CLIP2: variants seen among roughly 807,000 people sequenced by gnomAD.
The protein encoded by CLIP2 is CAP-Gly domain containing linker protein 2.
In CLIP2, 41 loss-of-function variants were observed where a neutral mutation model predicts 111.7. That is an observed-to-expected ratio of 0.37 (90% CI 0.29 to 0.48). CLIP2 has a LOEUF of 0.48. Ranked by LOEUF, CLIP2 falls within the 20% of genes least tolerant of loss-of-function variation. CLIP2 has a pLI of 0.99. For missense variants in CLIP2, 1,160 were observed against 1,422.1 expected, an observed-to-expected ratio of 0.82 and a Z score of 2.96; for synonymous variants, 660 against 644.2, an observed-to-expected ratio of 1.02 and a Z score of -0.37.
Position 74,397,169 on chromosome 7 carries a change from G to A in CLIP2, c.2816G>A (p.Trp939Ter). Residue 939 changes from tryptophan (W) to a stop codon, truncating the protein, a stop_gained, in exon 14 of 17, where the codon TGG becomes TAG. Transcript: ENST00000223398. LOFTEE classifies it high-confidence loss of function. ...AGCCGTGAGGTACACAAGGCTGAGTGGCGGATCAAGGAGCAGAAACTCAAG... is the reference window on the plus strand; with the variant it reads ...AGCCGTGAGGTACACAAGGCTGAGTAGCGGATCAAGGAGCAGAAACTCAAG... The part of the protein sequence containing the change: ...DLSREVHKAE[W>*]RIKEQKLKDD... 6.2e-7 allele frequency: 1 copy of A among 1,613,978 alleles called. No homozygotes were observed. Among genetic ancestry groups the A allele is most frequent in the Non-Finnish European group, 8.5e-7 (1 of 1,180,000 alleles).
intron 2 of CLIP2, among the ~76,000 whole-genome samples, chr7:74,336,973 C>T (rs1328884416): frequency 6.6e-6 from 1 of 151,010 alleles, no homozygotes; most frequent in African/African-American, 2.4e-5. Flanking sequence ...GTAACCTCTG[C>T]CTCCTGGGTT....
At position 74,356,469 on chromosome 7, in the gene CLIP2, T is replaced by G. The variant is rs1554308490; in HGVS notation, c.863T>G (p.Ile288Ser). 1.2e-6 allele frequency: 2 copies of G among 1,614,194 alleles called. No individual in the cohort carries two copies. Among genetic ancestry groups the G allele is most frequent in the Non-Finnish European group, 1.7e-6 (2 of 1,180,038 alleles). The change falls in exon 5 of 17, where the codon ATC (isoleucine) becomes AGC (serine). Residue 288 changes from isoleucine (I) to serine (S), a missense_variant. Around this residue, in one of 5 missense-constraint regions of CLIP2, gnomAD observed 110 missense variants for 185.2 expected, o/e 0.59. Transcript: ENST00000223398. ...GCGCCCATCCACAAAGTGATCCGTATCGGCTTCCCATCTACCAGCCCAGCC... is the reference window on the plus strand; with the variant it reads ...GCGCCCATCCACAAAGTGATCCGTAGCGGCTTCCCATCTACCAGCCCAGCC... ...LFAPIHKVIR[I>S]GFPSTSPAKA...
In CLIP2 at chr7:74,336,864, T is replaced by G. The variant is rs1440452515; in HGVS notation, c.122-1584T>G. On this transcript the variant is annotated intron_variant, in intron 2 of 16. Transcript: ENST00000223398. ...CTATGGTTGTTTGTTTTTTTTGTTT[T>G]TTTTTTTTTTGTTTTTTTTTGTTTT... 2.3e-4 allele frequency among the ~76,000 whole-genome samples: 6 copies of G among 25,686 alleles called. No individual in the cohort carries two copies. In the Admixed American group the frequency reaches 2.8e-3, roughly 12 times the overall value. 16.9% of individuals were successfully genotyped at this position (25,686 alleles called of 152,430 possible).
rs1788193745 is a variant in CLIP2 at position 74,297,168 on chromosome 7, C to G, written c.-68+7434C>G. On this transcript the variant is annotated intron_variant, in intron 1 of 16. Transcript: ENST00000223398. ...AGCTCAAGAGAGCCTCTAAGGGCAGCTGTCCCAACAAGAGCAGGGACCAGC... is the reference window on the plus strand; with the variant it reads ...AGCTCAAGAGAGCCTCTAAGGGCAGGTGTCCCAACAAGAGCAGGGACCAGC... Among the ~76,000 whole-genome samples the G allele has an allele frequency of 3.3e-5, 5 of 152,100 alleles. No homozygotes were observed. In the South Asian group the frequency reaches 1.0e-3, roughly 32 times the overall value.
At chr7:74,395,779 C>T (rs1279488352) in intron 13 of CLIP2, among the ~76,000 whole-genome samples, 3 of 152,152 alleles carry the variant, frequency 2.0e-5, no homozygotes, top group African/African-American at 7.2e-5. Context: ...GATGTCACAT[C>T]CATCAAACAG....
chr7:74,348,574 G>T (rs1049468107), intron 3 of CLIP2, among the ~76,000 whole-genome samples: 1 of 151,694 alleles, frequency 6.6e-6, no homozygotes, highest in African/African-American at 2.4e-5. Context: ...TGAATCACAA[G>T]GTCAGGAGAT....
chr7:74,366,561 T>C (rs1790473790), intron 8 of CLIP2, among the ~76,000 whole-genome samples: 1 of 152,202 alleles, frequency 6.6e-6, no homozygotes, highest in Non-Finnish European at 1.5e-5. Flanking sequence ...AAACATATGC[T>C]TTCGCAGTTC....
At chr7:74,378,752 A>G (rs1224476370) in intron 10 of CLIP2, among the ~76,000 whole-genome samples, 1 of 152,144 alleles carries the variant, frequency 6.6e-6, no homozygotes, top group Non-Finnish European at 1.5e-5. Context: ...GAAAATACAC[A>G]AACCAAAAAA....
chr7:74,328,507 C>T (rs1789182755), intron 2 of CLIP2, among the ~76,000 whole-genome samples: 1 of 152,032 alleles, frequency 6.6e-6, no homozygotes, highest in Non-Finnish European at 1.5e-5. Context: ...TGCAGACATG[C>T]ACCCCAGTTA....
At position 74,289,512 on chromosome 7, in the gene CLIP2, G is replaced by T. The variant is rs1319520098; in HGVS notation, c.-290G>T. On this transcript the variant is annotated 5_prime_UTR_variant, in exon 1 of 17. Transcript: ENST00000223398. The stretch of plus-strand genomic sequence containing the variant: ...GGGGCGCGCAGGCGGCTGCTGGGCG[G>T]CCTCGGTGCGCGCCTCCCGCCTTCC... 2.6e-5 allele frequency: 4 copies of T among 151,204 alleles called. No homozygotes were observed. Among genetic ancestry groups the T allele is most frequent in the Admixed American group, 2.0e-4 (3 of 15,178 alleles). The allele number at this position is 151,204 out of a possible 1,614,324, so 9.4% of individuals were successfully genotyped here.
intron 2 of CLIP2, among the ~76,000 whole-genome samples, chr7:74,337,691 G>A (rs1554732395): frequency 1.3e-5 from 2 of 151,848 alleles, no homozygotes; most frequent in Non-Finnish European, 2.9e-5. Context: ...CACCTCTCGA[G>A]TTCAAGTGAT....
At chr7:74,339,117 G>A (rs1335783984) in intron 3 of CLIP2, 113 bp downstream of exon 3, 14 of 972,536 alleles carry the variant, frequency 1.4e-5, no homozygotes, top group Non-Finnish European at 2.1e-5. Context: ...CTCGAAGGGG[G>A]CTCGGACAGG....
chr7:74,335,690 T>TTCCTTCCTTCCTTC (rs1554731987), intron 2 of CLIP2, among the ~76,000 whole-genome samples: 5 of 77,894 alleles, frequency 6.4e-5, no homozygotes, highest in Non-Finnish European at 1.3e-4. Flanking sequence ...TTCCTTCCTT[T>TTCCTTCCTTCCTTC]CTCTTTTTTT....
intron 8 of CLIP2, among the ~76,000 whole-genome samples, chr7:74,367,548 ACTT>A: frequency 6.6e-6 from 1 of 152,110 alleles, no homozygotes; most frequent in East Asian, 1.9e-4. Context: ...CTGGTCTCAA[ACTT>A]CTGAGCTCAA....
intron 8 of CLIP2, among the ~76,000 whole-genome samples, chr7:74,367,373 G>A (rs782038792): frequency 8.6e-5 from 13 of 152,004 alleles, no homozygotes; most frequent in Non-Finnish European, 1.6e-4. Flanking sequence ...TGTATTTTTA[G>A]TAGAGACGAG....
At chr7:74,381,224 C>G (rs1457311652) in intron 11 of CLIP2, among the ~76,000 whole-genome samples, 1 of 152,058 alleles carries the variant, frequency 6.6e-6, no homozygotes, top group East Asian at 1.9e-4. Context: ...GAGTTTCGCT[C>G]TGTCGCCAGG....
chr7:74,389,313 CTCT>C, intron 13 of CLIP2, 54 bp downstream of exon 13: 4 of 1,477,332 alleles, frequency 2.7e-6, no homozygotes, highest in Middle Eastern at 2.0e-4. Context: ...GCCCTTGCTC[CTCT>C]TCTTGACATT....
chr7:74,290,226 C>G (rs1269029314), intron 1 of CLIP2, among the ~76,000 whole-genome samples: 1 of 152,216 alleles, frequency 6.6e-6, no homozygotes, highest in East Asian at 1.9e-4. Context: ...GACTGCCCCC[C>G]TCTCCTCCCT....
chr7:74,388,184 T>C (rs1260564806), intron 12 of CLIP2, among the ~76,000 whole-genome samples: 2 of 151,900 alleles, frequency 1.3e-5, no homozygotes, highest in South Asian at 2.1e-4. Flanking sequence ...ACAAAAAAAT[T>C]AGCTGAGCGT....
Sources: allele counts gnomAD v4.1 joint callset (sites outside exome capture counted in the v4.1 genomes callset), GRCh38; gene constraint gnomAD v4.1.1; regional missense constraint gnomAD v4.1.1; transcripts MANE v1.5; gene names NCBI Gene and HGNC (gene_info 2026-07-23, HGNC 2026-07-21).